GRB10: variants seen among roughly 807,000 people sequenced by gnomAD.
GRB10 encodes growth factor receptor bound protein 10, also known as growth factor receptor-bound protein 10.
In GRB10, 20 loss-of-function variants were observed where a neutral mutation model predicts 80.9. The ratio of observed to expected loss-of-function variants is 0.25; its 90% confidence interval spans 0.17 to 0.36. The LOEUF is 0.36. Among genes scored for constraint, GRB10 ranks in the 10% least tolerant of loss-of-function variants. GRB10 has a pLI of 1.00. For missense variants in GRB10, 548 were observed against 747.7 expected, an observed-to-expected ratio of 0.73 and a Z score of 3.12; for synonymous variants, 291 against 291.5, an observed-to-expected ratio of 1.00 and a Z score of 0.02.
chr7:50,693,203 G>T (rs569870147), intron 5 of GRB10, among the ~76,000 whole-genome samples: 4 of 152,116 alleles, frequency 2.6e-5, no homozygotes, highest in Non-Finnish European at 5.9e-5. Context: ...ATGTTGCTAA[G>T]AATGGCTTCT....
intron 8 of GRB10, 136 bp from the exon 9 acceptor site, chr7:50,619,421 T>G: frequency 8.6e-6 from 6 of 697,140 alleles, no homozygotes; most frequent in Non-Finnish European, 1.6e-5. Context: ...GGAAGGAAAC[T>G]AAATTTAAAT....
At chr7:50,658,627 C>T (rs958879170) in intron 7 of GRB10, among the ~76,000 whole-genome samples, 17 of 152,200 alleles carry the variant, frequency 1.1e-4, no homozygotes, top group African/African-American at 4.1e-4. Flanking sequence ...GCTCACATTT[C>T]CAATGCTCTT....
chr7:50,705,077 A>G (rs1259504835), intron 4 of GRB10: 1 of 889,660 alleles, frequency 1.1e-6, no homozygotes. Flanking sequence ...CTCTGCCCAG[A>G]GCCCTCCTTG....
chr7:50,730,921 C>T (rs1307413207), intron 4 of GRB10, among the ~76,000 whole-genome samples: 1 of 152,230 alleles, frequency 6.6e-6, no homozygotes, highest in Non-Finnish European at 1.5e-5. Flanking sequence ...AGCTCACTGA[C>T]TGCACTCTCT....
chr7:50,734,114 T>C (rs1276045598), intron 3 of GRB10, among the ~76,000 whole-genome samples: 2 of 152,174 alleles, frequency 1.3e-5, no homozygotes, highest in Non-Finnish European at 2.9e-5. Flanking sequence ...TTGGGTTCAC[T>C]GGACAGGCCG....
chr7:50,635,583 G>A (rs1277098491), intron 7 of GRB10, among the ~76,000 whole-genome samples: 2 of 111,108 alleles, frequency 1.8e-5, no homozygotes, highest in Non-Finnish European at 4.0e-5. Flanking sequence ...ACCCACAAAG[G>A]ATCAATGAAA....
chr7:50,633,135 T>C (rs1392284893), intron 7 of GRB10, among the ~76,000 whole-genome samples: 1 of 152,212 alleles, frequency 6.6e-6, no homozygotes, highest in African/African-American at 2.4e-5. Flanking sequence ...CTCAAAGTAA[T>C]TCCTGCTGAC....
rs1585327238 is a variant in GRB10 at position 50,590,616 on chromosome 7, T to A, written c.*2336A>T. 3.3e-5 allele frequency: 5 copies of A among 152,806 alleles called. No individual in the cohort carries two copies. In the South Asian group the frequency reaches 1.0e-3, roughly 32 times the overall value. 9.5% of individuals were successfully genotyped at this position (152,806 alleles called of 1,614,324 possible). ...AACAGGCTCCAAAACAACCCTGAGC[T>A]GTCCCCTTTACATTCATGTCAATTA... is the stretch of plus-strand genomic sequence containing the variant. On this transcript the variant is annotated 3_prime_UTR_variant, in exon 19 of 19. Coordinates refer to ENST00000401949, the MANE Select transcript of GRB10 (RefSeq NM_001350814.2).
chr7:50,736,824 A>G (rs1358460705), intron 3 of GRB10, among the ~76,000 whole-genome samples: 4 of 152,194 alleles, frequency 2.6e-5, no homozygotes, highest in African/African-American at 9.7e-5. Flanking sequence ...TCCTAGGAAA[A>G]CTGGACATCA....
At position 50,618,078 on chromosome 7, in the gene GRB10, A is replaced by C; in HGVS notation, c.839T>G (p.Leu280Arg). The C allele has an allele frequency of 1.9e-6, 3 of 1,613,450 alleles. No individual in the cohort carries two copies. Among genetic ancestry groups the C allele is most frequent in the Non-Finnish European group, 2.5e-6 (3 of 1,179,360 alleles). Residue 280 changes from leucine (L) to arginine (R), a missense_variant, in exon 10 of 19, where the codon CTT becomes CGT. Coordinates refer to ENST00000401949, the MANE Select transcript of GRB10 (RefSeq NM_001350814.2). The stretch of plus-strand genomic sequence containing the variant: ...TCTATTGTGGCCCAGTACCTGCAAA[A>C]GCTGGGTTTGACTGCCATTTGACTG... ...CQQSNGSQTQ[L>R]LQNFLNSSSC... is the part of the protein sequence containing the mutation.
chr7:50,618,658 G>C (rs2051091207), intron 9 of GRB10, among the ~76,000 whole-genome samples: 1 of 152,344 alleles, frequency 6.6e-6, no homozygotes, highest in East Asian at 1.9e-4. Context: ...TGCCCCAGGA[G>C]CTAGGAGGTG....
intron 7 of GRB10, among the ~76,000 whole-genome samples, chr7:50,666,164 C>T (rs2059778972): frequency 6.6e-6 from 1 of 152,190 alleles, no homozygotes; most frequent in African/African-American, 2.4e-5. Context: ...ACATGCCTGC[C>T]ACGTCTTAGA....
chr7:50,790,428 T>C (rs1200480385), intron 1 of GRB10, among the ~76,000 whole-genome samples: 2 of 152,234 alleles, frequency 1.3e-5, no homozygotes, highest in Admixed American at 6.5e-5. Flanking sequence ...AAAAAGTTTA[T>C]TTAAACTTTG....
At chr7:50,703,654 C>A (rs924646355) in intron 5 of GRB10, among the ~76,000 whole-genome samples, 167 bp downstream of exon 5, 5 of 152,170 alleles carry the variant, frequency 3.3e-5, no homozygotes, top group African/African-American at 7.2e-5. Flanking sequence ...GATATCAGAA[C>A]CAAGGATCTT....
At chr7:50,780,165 T>C (rs1354935939) in intron 2 of GRB10, among the ~76,000 whole-genome samples, 4 of 152,152 alleles carry the variant, frequency 2.6e-5, no homozygotes, top group Non-Finnish European at 5.9e-5. Flanking sequence ...TAAACCGTCA[T>C]GGAAAGGGTT....
intron 5 of GRB10, among the ~76,000 whole-genome samples, chr7:50,681,460 C>G (rs1284738244): frequency 6.6e-6 from 1 of 152,202 alleles, no homozygotes; most frequent in African/African-American, 2.4e-5. Flanking sequence ...CTCTCCAGAC[C>G]CTTTCTTCTT....
At chr7:50,615,012 A>G (rs1339282803) in intron 11 of GRB10, 132 bp from the exon 12 acceptor site, 2 of 705,654 alleles carry the variant, frequency 2.8e-6, no homozygotes, top group Admixed American at 4.0e-5. Flanking sequence ...ATTACATATG[A>G]TTATTACGCG....
upstream of GRB10, among the ~76,000 whole-genome samples, chr7:50,783,377 C>T (rs1164215651): frequency 6.6e-6 from 1 of 152,052 alleles, no homozygotes; most frequent in African/African-American, 2.4e-5. Flanking sequence ...AGATCCTATA[C>T]ATACCAAGCA....
chr7:50,648,243 T>C lies in GRB10; in HGVS notation c.505-21265A>G, dbSNP rs145829277. Among the ~76,000 whole-genome samples, 706 of 151,966 alleles carry C rather than the reference T, an allele frequency of 4.6e-3. 9 individuals carry two copies. Among genetic ancestry groups the C allele is most frequent in the African/African-American group, 0.016 (657 of 41,442 alleles). ...AAGAGGGTGGAAACCCAGACGGAGC[T>C]GTGGAAAGGAGAGCAGCGAGCGACA... On this transcript the variant is annotated intron_variant, in intron 7 of 18. Coordinates refer to ENST00000401949, the MANE Select transcript of GRB10 (RefSeq NM_001350814.2).
Sources: allele counts gnomAD v4.1 joint callset (sites outside exome capture counted in the v4.1 genomes callset), GRCh38; gene constraint gnomAD v4.1.1; transcripts MANE v1.5; gene names NCBI Gene and HGNC (gene_info 2026-07-23, HGNC 2026-07-21).